Variants in SPIRE1 observed in about 807,000 individuals in gnomAD.
The protein encoded by SPIRE1 is spire type actin nucleation factor 1, also known as protein spire homolog 1.
A neutral mutation model predicts 94.1 loss-of-function variants in SPIRE1; 40 were observed. That is an observed-to-expected ratio of 0.43 (90% confidence interval 0.33 to 0.55). The LOEUF (loss-of-function observed/expected upper bound fraction) is 0.55. Ranked by LOEUF, SPIRE1 falls within the 20% of genes least tolerant of loss-of-function variation. The pLI, the probability that SPIRE1 is intolerant of heterozygous loss-of-function variation, is 0.06. For synonymous variants in SPIRE1, 376 were observed against 371.7 expected, an observed-to-expected ratio of 1.01 and a Z score of -0.13; for missense variants, 838 against 975.2, an observed-to-expected ratio of 0.86 and a Z score of 1.87.
At chr18:12,558,700 C>T (rs975417484) in intron 2 of SPIRE1, among the ~76,000 whole-genome samples, 3 of 151,912 alleles carry the variant, frequency 2.0e-5, no homozygotes, top group Non-Finnish European at 4.4e-5. Context: ...CATAAAAGTT[C>T]GCCAAGTCCG....
At position 12,558,083 on chromosome 18, in the gene SPIRE1, A is replaced by C. The variant is rs544916409; in HGVS notation, c.373-11179T>G. Among the ~76,000 whole-genome samples, 3 of 152,326 alleles carry C rather than the reference A, an allele frequency of 2.0e-5. No homozygotes were observed. In the East Asian group the frequency reaches 5.8e-4, roughly 29 times the overall value. ...AAATTATGAAACAAATGTGTCTGGA[A>C]TTGGTGGGTTATTGGTCTCACTGAC... On this transcript the variant is annotated intron_variant, in intron 2 of 16. Transcript: ENST00000409402.
chr18:12,591,339 C>T (rs559969559), intron 2 of SPIRE1, among the ~76,000 whole-genome samples: 7 of 152,070 alleles, frequency 4.6e-5, no homozygotes, highest in Admixed American at 6.5e-5. Flanking sequence ...AAGAAGTGAA[C>T]GAGAGAGAAA....
intron 16 of SPIRE1, 67 bp from the exon 17 acceptor site, chr18:12,449,963 A>G: frequency 6.7e-7 from 1 of 1,494,806 alleles, no homozygotes; most frequent in Non-Finnish European, 9.0e-7. Flanking sequence ...TTAAGAAAAT[A>G]TGTATAAAAA....
At chr18:12,562,884 A>G (rs1169129776) in intron 2 of SPIRE1, among the ~76,000 whole-genome samples, 1 of 152,166 alleles carries the variant, frequency 6.6e-6, no homozygotes, top group Admixed American at 6.5e-5. Context: ...TTAACACAAT[A>G]ACAAAATTAT....
chr18:12,655,977 C>T (rs985541692), intron 1 of SPIRE1, among the ~76,000 whole-genome samples: 2 of 152,160 alleles, frequency 1.3e-5, no homozygotes, highest in African/African-American at 4.8e-5. Context: ...CAGCTCACTA[C>T]AGCCTCCACC....
chr18:12,529,330 C>T (rs2034616170), intron 4 of SPIRE1, among the ~76,000 whole-genome samples: 2 of 150,724 alleles, frequency 1.3e-5, no homozygotes, highest in African/African-American at 4.9e-5. Context: ...TATTGCGCCA[C>T]TGCACTCCAG....
chr18:12,467,379 T>C (rs2032156999), intron 10 of SPIRE1, among the ~76,000 whole-genome samples: 1 of 152,220 alleles, frequency 6.6e-6, no homozygotes, highest in Non-Finnish European at 1.5e-5. Context: ...GCAAAGCCTC[T>C]ATCCCAGATA....
At chr18:12,506,051 G>GA (rs1321111660) in intron 6 of SPIRE1, among the ~76,000 whole-genome samples, 22 of 152,104 alleles carry the variant, frequency 1.4e-4, no homozygotes, top group African/African-American at 5.3e-4. Context: ...TTTCTACAAT[G>GA]ATCAAGTATT....
intron 10 of SPIRE1, among the ~76,000 whole-genome samples, chr18:12,478,007 A>G (rs576757768): frequency 3.9e-5 from 6 of 152,216 alleles, no homozygotes; most frequent in African/African-American, 1.4e-4. Flanking sequence ...AGCCAAGAAG[A>G]AAGTCAGATA....
intron 12 of SPIRE1, among the ~76,000 whole-genome samples, chr18:12,461,491 T>C (rs551068741): frequency 2.6e-4 from 39 of 151,614 alleles, no homozygotes; most frequent in African/African-American, 8.7e-4. Context: ...CATATGTGTG[T>C]ATGCACGTAC....
At chr18:12,597,207 G>C (rs1021909856) in intron 2 of SPIRE1, among the ~76,000 whole-genome samples, 9 of 128,224 alleles carry the variant, frequency 7.0e-5, no homozygotes, top group East Asian at 2.5e-4. Flanking sequence ...CACACACACA[G>C]AGGGAGAGAG....
intron 2 of SPIRE1, among the ~76,000 whole-genome samples, chr18:12,623,948 G>C (rs2037548404): frequency 7.0e-6 from 1 of 142,194 alleles, no homozygotes; most frequent in African/African-American, 2.6e-5. Context: ...TCTTGAGATG[G>C]AGTCTCACTC....
intron 2 of SPIRE1, among the ~76,000 whole-genome samples, chr18:12,596,483 A>G (rs1447395796): frequency 6.6e-6 from 1 of 152,146 alleles, no homozygotes; most frequent in Non-Finnish European, 1.5e-5. Flanking sequence ...TTATACAGAA[A>G]ATTATGAAAA....
chr18:12,475,900 C>T (rs2032551878), intron 10 of SPIRE1, among the ~76,000 whole-genome samples: 1 of 152,182 alleles, frequency 6.6e-6, no homozygotes, highest in Non-Finnish European at 1.5e-5. Flanking sequence ...GGGCCTAGGG[C>T]AGGTGCCACA....
In SPIRE1 at chr18:12,548,434, C is replaced by A. The variant is rs191329347; in HGVS notation, c.373-1530G>T. ...CTACAAAATCTGAAATCTACTTTAC[C>A]AATGAAATAATATTTTCTCAACACT... On this transcript the variant is annotated intron_variant, in intron 2 of 16. Transcript: ENST00000409402. Among the ~76,000 whole-genome samples, 49 of 152,132 alleles carry A rather than the reference C, an allele frequency of 3.2e-4. No individual in the cohort carries two copies. In the East Asian group the frequency reaches 7.7e-3, roughly 24 times the overall value.
intron 8 of SPIRE1, among the ~76,000 whole-genome samples, chr18:12,487,886 G>T (rs772216721): frequency 6.6e-6 from 1 of 152,140 alleles, no homozygotes; most frequent in Non-Finnish European, 1.5e-5. Flanking sequence ...TCATGACAGC[G>T]AGGATTATCT....
At chr18:12,619,158 A>G (rs2144730032) in intron 2 of SPIRE1, among the ~76,000 whole-genome samples, 1 of 152,290 alleles carries the variant, frequency 6.6e-6, no homozygotes, top group Admixed American at 6.5e-5. Context: ...GGCCTCCCAA[A>G]GTACTGGGAT....
chr18:12,604,782 C>G (rs1366925034), intron 2 of SPIRE1, among the ~76,000 whole-genome samples: 1 of 152,176 alleles, frequency 6.6e-6, no homozygotes, highest in Non-Finnish European at 1.5e-5. Flanking sequence ...CTGTTGAGAA[C>G]TCTCTAGTGG....
At chr18:12,474,688 G>A (rs2143707195) in intron 10 of SPIRE1, among the ~76,000 whole-genome samples, 1 of 152,224 alleles carries the variant, frequency 6.6e-6, no homozygotes, top group East Asian at 1.9e-4. Context: ...TGAGTGTGGT[G>A]GTGGGCACCT....
Sources: gnomAD v4.1 joint callset for allele counts (sites outside exome capture counted in the v4.1 genomes callset) on GRCh38, gnomAD v4.1.1 for gene constraint, MANE v1.5 for transcripts, NCBI Gene and HGNC (gene_info 2026-07-23, HGNC 2026-07-21) for gene names.